ZZEF1: variants seen among roughly 807,000 people sequenced by gnomAD.
The protein encoded by ZZEF1 is zinc finger ZZ-type and EF-hand domain containing 1.
ZZEF1 carries 157 observed loss-of-function variants against 342.8 expected under a neutral mutation model. The observed-to-expected ratio is 0.46, with a 90% confidence interval of 0.40 to 0.52. The LOEUF (loss-of-function observed/expected upper bound fraction) is 0.52, where lower values mean the gene tolerates loss of function less well. ZZEF1 is among the 20% of genes least tolerant of loss of function. The pLI is 0.00. For missense variants in ZZEF1, 3,480 were observed against 3,725.6 expected (o/e 0.93, Z 1.72); for synonymous variants, 1,505 against 1,429.1 (o/e 1.05, Z -1.20).
chr17:4,036,687 C>A (rs753996291), intron 39 of ZZEF1, among the ~76,000 whole-genome samples: 7 of 150,372 alleles, frequency 4.7e-5, no homozygotes, highest in Admixed American at 6.6e-5. Flanking sequence ...GCAGAGATTG[C>A]ACCACTGCAC....
rs1170555933 is a variant in ZZEF1 at position 4,111,891 on chromosome 17, GC to G, written c.1066+717del. Among the ~76,000 whole-genome samples, 5 of 145,772 alleles carry G rather than the reference GC, an allele frequency of 3.4e-5. No individual in the cohort carries two copies. The East Asian group carries it at 8.0e-4, about 23-fold the overall frequency. On this transcript the variant is annotated intron_variant, in intron 5 of 54. Transcript: ENST00000381638. ...TCTACAAAAAAGTGTAAAGAAATTAGCCAGGCATCGCGGTGCATGTCTACAT... is the reference window on the plus strand; with the variant it reads ...TCTACAAAAAAGTGTAAAGAAATTAGCAGGCATCGCGGTGCATGTCTACAT...
rs546421048 is a variant in ZZEF1 at position 4,048,932 on chromosome 17, C to T, written c.6015+776G>A. ...ACAGGGTTTCACCCTGTTGGCCAGG[C>T]TGGTCTTGAACATCTGACCTTGTGA... On this transcript the variant is annotated intron_variant, in intron 37 of 54. Transcript: ENST00000381638. 2.0e-5 allele frequency among the ~76,000 whole-genome samples: 3 copies of T among 147,762 alleles called. No homozygotes were observed. The South Asian group carries it at 6.4e-4, about 31-fold the overall frequency.
At chr17:4,133,444 A>G (rs2058700718) in intron 1 of ZZEF1, among the ~76,000 whole-genome samples, 1 of 152,084 alleles carries the variant, frequency 6.6e-6, no homozygotes, top group African/African-American at 2.4e-5. Context: ...GTTCCTTACC[A>G]TCTGAAGACC....
In ZZEF1 at chr17:4,009,763, G is replaced by C; in HGVS notation, c.8580-6C>G. On this transcript the variant is annotated splice_polypyrimidine_tract_variant and splice_region_variant and intron_variant, in intron 52 of 54. Transcript: ENST00000381638. ...GCGCAAGGTCACACAGGTCACTGCA[G>C]GAGGAGCCCCGGAGGTGGTCAGTTT... 1 of 1,613,500 alleles carries C rather than the reference G, an allele frequency of 6.2e-7. No homozygotes were observed. The highest frequency in any genetic ancestry group is 2.2e-5 in the East Asian group (1 of 44,864).
At chr17:4,134,365 T>C (rs988241876) in intron 1 of ZZEF1, among the ~76,000 whole-genome samples, 5 of 146,920 alleles carry the variant, frequency 3.4e-5, no homozygotes, top group African/African-American at 1.2e-4. Context: ...TATATATATA[T>C]TTATATAATA....
chr17:4,041,297 T>TA (rs1491023712), intron 39 of ZZEF1, among the ~76,000 whole-genome samples: 1 of 103,802 alleles, frequency 9.6e-6, no homozygotes, highest in Non-Finnish European at 2.3e-5. Flanking sequence ...AGGGAACACA[T>TA]AATGATTTTC....
intron 1 of ZZEF1, among the ~76,000 whole-genome samples, chr17:4,130,040 C>T (rs947072199): frequency 3.9e-5 from 6 of 152,008 alleles, no homozygotes; most frequent in Non-Finnish European, 5.9e-5. Flanking sequence ...AGGGAGAGGA[C>T]CAGAAAAAAT....
At chr17:4,085,087 G>A (rs948563646) in intron 16 of ZZEF1, among the ~76,000 whole-genome samples, 2 of 152,086 alleles carry the variant, frequency 1.3e-5, no homozygotes, top group African/African-American at 2.4e-5. Context: ...ACTCCAGCCT[G>A]GGCAACAGAA....
At chr17:4,043,629 A>G (rs2056848585) in intron 38 of ZZEF1, among the ~76,000 whole-genome samples, 1 of 152,136 alleles carries the variant, frequency 6.6e-6, no homozygotes. Context: ...CTTCAGCAGC[A>G]TCTCTCCTTT....
chr17:4,066,630 G>A (rs2145247263), intron 27 of ZZEF1, 90 bp from the exon 28 acceptor site: 1 of 1,045,330 alleles, frequency 9.6e-7, no homozygotes, highest in South Asian at 1.3e-5. Flanking sequence ...ACACAGCACT[G>A]ACACCACAGA....
At chr17:4,127,420 A>G (rs576324266) in intron 1 of ZZEF1, among the ~76,000 whole-genome samples, 30 of 152,332 alleles carry the variant, frequency 2.0e-4, no homozygotes, top group African/African-American at 7.2e-4. Flanking sequence ...TGAAATATTT[A>G]TGGATGAAAT....
intron 42 of ZZEF1, among the ~76,000 whole-genome samples, chr17:4,030,039 AAAAG>A (rs1308026011): frequency 3.3e-5 from 5 of 151,456 alleles, no homozygotes; most frequent in African/African-American, 7.3e-5. Flanking sequence ...AAAAAAAAAA[AAAAG>A]AAAAGAAAAG....
At chr17:4,057,303 A>G (rs1471352100) in intron 32 of ZZEF1, among the ~76,000 whole-genome samples, 4 of 152,208 alleles carry the variant, frequency 2.6e-5, no homozygotes, top group Non-Finnish European at 4.4e-5. Flanking sequence ...TGAACTAAAG[A>G]GACGGCTCTA....
In ZZEF1 at chr17:4,060,693, T is replaced by C. The variant is rs78055237; in HGVS notation, c.4884-1403A>G. 5.0e-3 allele frequency among the ~76,000 whole-genome samples: 755 copies of C among 149,534 alleles called. 6 individuals carry two copies. The highest frequency in any genetic ancestry group is 0.018 in the African/African-American group (714 of 40,334). On this transcript the variant is annotated intron_variant, in intron 30 of 54. Transcript: ENST00000381638. ...TCATCCTTCCATTCTCTCTGATGAC[T>C]ATCCTTATATTTTACTTTTTAAAAG...
In ZZEF1 at chr17:4,014,080, G is replaced by A. The variant is rs1172400482; in HGVS notation, c.8413+10C>T. The stretch of plus-strand genomic sequence containing the variant: ...GCAGATGGTGTGAACGCAAAGCCCA[G>A]AGCACACACCTGTCTGGAACCGCCC... On this transcript the variant is annotated intron_variant, in intron 51 of 54. Transcript: ENST00000381638. This position sits in a 1 kb window ranked among gnomAD's most constrained non-coding sequence, Gnocchi z 4.4. The A allele has an allele frequency of 6.2e-7, 1 of 1,613,748 alleles. No individual in the cohort carries two copies. Among genetic ancestry groups the A allele is most frequent in the Non-Finnish European group, 8.5e-7 (1 of 1,179,770 alleles).
chr17:4,102,974 T>C (rs918586456), intron 8 of ZZEF1, among the ~76,000 whole-genome samples: 2 of 152,144 alleles, frequency 1.3e-5, no homozygotes, highest in Non-Finnish European at 2.9e-5. Context: ...AATAATAGAA[T>C]GTACACCTGT....
chr17:4,042,345 C>T (rs1303812589), intron 39 of ZZEF1, 84 bp downstream of exon 39: 4 of 1,397,098 alleles, frequency 2.9e-6, no homozygotes, highest in Non-Finnish European at 3.9e-6. Context: ...AGATGATTGT[C>T]ATCATTTGTT....
At position 4,019,698 on chromosome 17, in the gene ZZEF1, G is replaced by A; in HGVS notation, c.7476C>T (p.Thr2492=). The change falls in exon 46 of 55, where the codon ACC becomes ACT. Residue 2492 remains threonine, a synonymous_variant. Coordinates refer to ENST00000381638, the MANE Select transcript of ZZEF1 (RefSeq NM_015113.4). The part of the protein sequence containing the change: ...RAIYELQMKK[T]DYFFLEVQKR... ...TCTGAACCTCCAGGAAGAAATAATC[G>A]GTCTTTTTCATCTGCAGTTCGTATA... is the stretch of plus-strand genomic sequence containing the variant. 6.2e-7 allele frequency: 1 copy of A among 1,612,900 alleles called. No homozygotes were observed. The highest frequency in any genetic ancestry group is 8.5e-7 in the Non-Finnish European group (1 of 1,179,730).
Position 4,021,306 on chromosome 17 carries a change from C to A in ZZEF1, c.7227G>T (p.Met2409Ile). 6.2e-7 allele frequency: 1 copy of A among 1,605,824 alleles called. No homozygotes were observed. The highest frequency in any genetic ancestry group is 1.3e-5 in the African/African-American group (1 of 74,498). ...TGATCTCCTTTTTTGAGGAGTACAG[C>A]ATGATGGACAAAATCTACACAGAAA... ...LLRDLEILSI[M>I]LYSSKKEINA... The change falls in exon 45 of 55, where the codon ATG (methionine) becomes ATT (isoleucine). Residue 2409 changes from methionine (M) to isoleucine (I), a missense_variant. Physicochemically the swap from Met to Ile is conservative, Grantham distance 10. This residue lies in a region of ZZEF1 where 1,269 missense variants were observed against 1,342.4 expected (regional missense o/e 0.95). Coordinates refer to ENST00000381638, the MANE Select transcript of ZZEF1 (RefSeq NM_015113.4).
Sources: allele counts gnomAD v4.1 joint callset (sites outside exome capture counted in the v4.1 genomes callset), GRCh38; gene constraint gnomAD v4.1.1; regional missense constraint gnomAD v4.1.1; non-coding constraint Gnocchi (gnomAD v3.1); transcripts MANE v1.5; gene names NCBI Gene and HGNC (gene_info 2026-07-23, HGNC 2026-07-21).